CACNB4: variants seen among roughly 807,000 people sequenced by gnomAD.
The protein encoded by CACNB4 is calcium voltage-gated channel auxiliary subunit beta 4.
Under a neutral mutation model 71.2 loss-of-function variants are expected in CACNB4, and 32 were observed. That is an observed-to-expected ratio of 0.45 (90% CI 0.34 to 0.60). CACNB4 has a LOEUF of 0.60. Ranked by LOEUF, CACNB4 falls within the 20% of genes least tolerant of loss-of-function variation. CACNB4 has a pLI of 0.01. For missense variants in CACNB4, 464 were observed against 647.9 expected, an observed-to-expected ratio of 0.72 and a Z score of 3.08; for synonymous variants, 231 against 236.9, an observed-to-expected ratio of 0.97 and a Z score of 0.23.
chr2:151,966,820 A>T (rs1000613050), intron 2 of CACNB4, among the ~76,000 whole-genome samples: 7 of 152,142 alleles, frequency 4.6e-5, no homozygotes, highest in African/African-American at 1.4e-4. Flanking sequence ...TATATTCATT[A>T]TATGTATAAC....
chr2:151,936,481 A>G (rs2099862948), intron 2 of CACNB4: 1 of 152,238 alleles, frequency 6.6e-6, no homozygotes, highest in African/African-American at 2.4e-5. Flanking sequence ...CTTTGCTTTA[A>G]TGGTTCCCAC....
At chr2:152,031,388 T>C (rs1445036867) in intron 2 of CACNB4, among the ~76,000 whole-genome samples, 1 of 152,246 alleles carries the variant, frequency 6.6e-6, no homozygotes, top group African/African-American at 2.4e-5. Context: ...TAGTTCAGGC[T>C]GGTAGGAGGA....
intron 2 of CACNB4, among the ~76,000 whole-genome samples, chr2:152,097,407 G>A (rs1204536578): frequency 6.6e-6 from 1 of 152,168 alleles, no homozygotes; most frequent in Non-Finnish European, 1.5e-5. Flanking sequence ...TGGGATAAAA[G>A]CCTCTTGGTG....
intron 3 of CACNB4, among the ~76,000 whole-genome samples, chr2:151,881,309 A>T (rs1444156221): frequency 6.6e-6 from 1 of 152,144 alleles, no homozygotes; most frequent in Non-Finnish European, 1.5e-5. Flanking sequence ...TTAAAAAGAA[A>T]AAAAAAAAGG....
At chr2:152,054,314 C>T (rs113827380) in intron 2 of CACNB4, among the ~76,000 whole-genome samples, 6,536 of 141,614 alleles carry the variant, frequency 0.046, 478 homozygotes, top group African/African-American at 0.17. Flanking sequence ...TGCAGTGAGC[C>T]GAGATCGCGC....
intron 2 of CACNB4, among the ~76,000 whole-genome samples, chr2:151,935,579 A>G (rs2099862737): frequency 6.6e-6 from 1 of 152,246 alleles, no homozygotes; most frequent in South Asian, 2.1e-4. Context: ...TACTATAACT[A>G]AATTTTTAGA....
At chr2:151,988,514 T>G (rs1681503901) in intron 2 of CACNB4, among the ~76,000 whole-genome samples, 1 of 152,194 alleles carries the variant, frequency 6.6e-6, no homozygotes, top group Admixed American at 6.5e-5. Context: ...TCAATACTGC[T>G]GTTTTAGTTA....
At chr2:152,037,108 T>C (rs1208561893) in intron 2 of CACNB4, among the ~76,000 whole-genome samples, 1 of 152,230 alleles carries the variant, frequency 6.6e-6, no homozygotes, top group African/African-American at 2.4e-5. Flanking sequence ...TGCGGGGGCA[T>C]AGGTTCCCAA....
intron 2 of CACNB4, among the ~76,000 whole-genome samples, chr2:151,931,534 C>T (rs1250198798): frequency 6.6e-6 from 1 of 152,152 alleles, no homozygotes; most frequent in Non-Finnish European, 1.5e-5. Context: ...GACATTCAGA[C>T]ATCATTAAAT....
rs1578549549 is a variant in CACNB4, at chr2:151,870,503, A to T, written c.699+28T>A. Reference sequence around the variant, plus strand: ...CTGTCTCCTGGGTGCTCGATCAAGAACTGAAGAGTAACAGATGATATTTGT... The same window carrying T: ...CTGTCTCCTGGGTGCTCGATCAAGATCTGAAGAGTAACAGATGATATTTGT... On this transcript the variant is annotated intron_variant, in intron 8 of 13. Coordinates refer to ENST00000539935, the MANE Select transcript of CACNB4 (RefSeq NM_000726.5). The T allele has an allele frequency of 1.9e-6, 3 of 1,582,948 alleles. No individual in the cohort carries two copies. In the East Asian group the frequency reaches 6.7e-5, roughly 35 times the overall value.
In CACNB4 at chr2:152,090,419, C is replaced by T. The variant is rs140538422; in HGVS notation, c.147+7911G>A. ...CTATAATCCCAGCACTTTGGGAGGC[C>T]GAGGCGGGCGGATCACCTGAGCTCA... On this transcript the variant is annotated intron_variant, in intron 2 of 13. Transcript: ENST00000539935. Among the ~76,000 whole-genome samples, 294 of 152,110 alleles carry T rather than the reference C, an allele frequency of 1.9e-3. 3 individuals are homozygous for T. In the East Asian group the frequency reaches 0.037, roughly 19 times the overall value.
chr2:151,897,828 G>A (rs570220630), intron 2 of CACNB4, among the ~76,000 whole-genome samples: 98 of 152,284 alleles, frequency 6.4e-4, no homozygotes, highest in African/African-American at 2.2e-3. Flanking sequence ...GAGCTGCCAT[G>A]AAGATTATGC....
chr2:152,098,615 G>C lies in CACNB4; in HGVS notation c.64-202C>G. 1 of 1,442,540 alleles carries C rather than the reference G, an allele frequency of 6.9e-7. No homozygotes were observed. The highest frequency in any genetic ancestry group is 9.6e-7 in the Non-Finnish European group (1 of 1,045,768). 89.4% of individuals were successfully genotyped at this position (1,442,540 alleles called of 1,614,324 possible). ...AGCCTCGACTGCTGAAAAGATGCTC[G>C]AGAAGAGCAGCCCGCAAGCACCCAC... is the stretch of plus-strand genomic sequence containing the variant. On this transcript the variant is annotated intron_variant, in intron 1 of 13. Coordinates refer to ENST00000539935, the MANE Select transcript of CACNB4 (RefSeq NM_000726.5). This position sits in a 1 kb window ranked among gnomAD's most constrained non-coding sequence, Gnocchi z 5.3.
At chr2:151,855,179 T>A (rs1260318407) in intron 11 of CACNB4, 45 bp downstream of exon 11, 9 of 1,395,464 alleles carry the variant, frequency 6.4e-6, no homozygotes, top group Non-Finnish European at 7.8e-6. Flanking sequence ...AACACATTTT[T>A]AAAAGATGCA....
intron 2 of CACNB4, among the ~76,000 whole-genome samples, chr2:151,965,748 T>TA (rs2099870923): frequency 6.6e-6 from 1 of 152,148 alleles, no homozygotes; most frequent in Non-Finnish European, 1.5e-5. Context: ...TTTTTTTTTT[T>TA]AGAGATGAGA....
At chr2:151,977,482 T>C (rs1263813624) in intron 2 of CACNB4, among the ~76,000 whole-genome samples, 1 of 152,192 alleles carries the variant, frequency 6.6e-6, no homozygotes, top group Non-Finnish European at 1.5e-5. Context: ...AACTTAGGGA[T>C]ATTAAGTCCC....
At chr2:151,918,361 A>C (rs1249274564) in intron 2 of CACNB4, among the ~76,000 whole-genome samples, 1 of 152,218 alleles carries the variant, frequency 6.6e-6, no homozygotes, top group African/African-American at 2.4e-5. Flanking sequence ...GCTTACAATC[A>C]GGTAAAGAGA....
intron 12 of CACNB4, chr2:151,852,232 T>TG (rs1316050243): frequency 6.6e-6 from 1 of 152,196 alleles, no homozygotes; most frequent in Non-Finnish European, 1.5e-5. Flanking sequence ...ACCAGGTAAC[T>TG]GTGAAGATTA....
chr2:151,949,294 G>A (rs1173004428), intron 2 of CACNB4, among the ~76,000 whole-genome samples: 1 of 151,970 alleles, frequency 6.6e-6, no homozygotes, highest in Non-Finnish European at 1.5e-5. Context: ...CAAGGCTGCA[G>A]GTATTTCAGA....
Sources: allele counts gnomAD v4.1 joint callset (sites outside exome capture counted in the v4.1 genomes callset), GRCh38; gene constraint gnomAD v4.1.1; non-coding constraint Gnocchi (gnomAD v3.1); transcripts MANE v1.5; gene names NCBI Gene and HGNC (gene_info 2026-07-23, HGNC 2026-07-21).